MIER2: variants seen among roughly 807,000 people sequenced by gnomAD.
The protein encoded by MIER2 is MIER family member 2.
MIER2 carries 30 observed loss-of-function variants against 67.6 expected under a neutral mutation model. The observed-to-expected ratio is 0.44, with a 90% confidence interval of 0.33 to 0.60. MIER2 has a LOEUF of 0.60. Ranked by LOEUF, MIER2 falls within the 20% of genes least tolerant of loss-of-function variation. The pLI, the probability that MIER2 is intolerant of heterozygous loss-of-function variation, is 0.02. For synonymous variants in MIER2, 372 were observed against 312.6 expected (o/e 1.19, Z -2.00); for missense variants, 702 against 745.1 (o/e 0.94, Z 0.67).
At chr19:307,749 C>G (rs1343399899) in intron 12 of MIER2, among the ~76,000 whole-genome samples, 2 of 151,742 alleles carry the variant, frequency 1.3e-5, no homozygotes, top group African/African-American at 4.9e-5. Context: ...ATCAGACCAA[C>G]AGTGGGTCAC....
chr19:338,799 T>C (rs1972377117), intron 1 of MIER2, among the ~76,000 whole-genome samples: 1 of 152,138 alleles, frequency 6.6e-6, no homozygotes, highest in South Asian at 2.1e-4. Flanking sequence ...AACAGTTCCA[T>C]GAAGGAATGA....
intron 7 of MIER2, among the ~76,000 whole-genome samples, chr19:322,857 C>T (rs185521570): frequency 1.3e-4 from 20 of 152,294 alleles, no homozygotes; most frequent in South Asian, 6.2e-4. Flanking sequence ...CAACCATGAC[C>T]GCAGCCCATG....
chr19:328,942 A>C (rs1246470211), intron 3 of MIER2, among the ~76,000 whole-genome samples: 4 of 152,216 alleles, frequency 2.6e-5, no homozygotes, highest in Non-Finnish European at 5.9e-5. Context: ...TAAATAAGGC[A>C]CGTAATTCCT....
chr19:306,677 C>T lies in MIER2; in HGVS notation c.*13G>A, dbSNP rs1162130089. ...GTCCAGTCTGGGCCGCATACGCCGC[C>T]CGCGGCCAGGAGTCAGCAGGTCATC... On this transcript the variant is annotated 3_prime_UTR_variant, in exon 14 of 14. Coordinates refer to ENST00000264819, the MANE Select transcript of MIER2 (RefSeq NM_017550.3). The T allele has an allele frequency of 6.4e-7, 1 of 1,555,276 alleles. No individual in the cohort carries two copies. Among genetic ancestry groups the T allele is most frequent in the Non-Finnish European group, 8.7e-7 (1 of 1,149,250 alleles).
intron 7 of MIER2, among the ~76,000 whole-genome samples, chr19:317,338 T>A (rs1971283563): frequency 1.3e-5 from 2 of 151,794 alleles, no homozygotes; most frequent in South Asian, 4.2e-4. Context: ...CCACCCGGGC[T>A]AACACGGTGA....
intron 7 of MIER2, among the ~76,000 whole-genome samples, chr19:317,720 G>A (rs1399660826): frequency 2.3e-5 from 3 of 131,136 alleles, no homozygotes; most frequent in Admixed American, 8.3e-5. Context: ...ATGAGAGTGA[G>A]ACTCTGTCTC....
intron 1 of MIER2, among the ~76,000 whole-genome samples, chr19:337,932 G>A: frequency 6.8e-6 from 1 of 146,468 alleles, no homozygotes; most frequent in Middle Eastern, 3.4e-3. Context: ...CCAGCACTTT[G>A]GGAGGCCGAG....
chr19:327,108 G>A, intron 5 of MIER2, 25 bp downstream of exon 5: 8 of 1,564,826 alleles, frequency 5.1e-6, no homozygotes, highest in Non-Finnish European at 6.9e-6. Flanking sequence ...TGGCTGCGGT[G>A]GAGTATGGGG....
At chr19:337,412 G>C (rs185513789) in intron 1 of MIER2, among the ~76,000 whole-genome samples, 1 of 152,284 alleles carries the variant, frequency 6.6e-6, no homozygotes, top group Admixed American at 6.5e-5. Flanking sequence ...ACAGAAGGGA[G>C]CTTCCTTCTT....
In MIER2 at chr19:325,678, T is replaced by C. The variant is rs1294415947; in HGVS notation, c.612A>G (p.Gln204=). ...TCAAGTGCAGGTTGCTGAGGTCAGC[T>C]TGGAACTGAGGTCCCACCATGATCT... The part of the protein sequence containing the change: ...KKEIMVGPQF[Q]ADLSNLHLNR... Residue 204 remains glutamine, a synonymous_variant, in exon 7 of 14, where the codon CAA becomes CAG. Transcript: ENST00000264819. 7 of 1,614,072 alleles carry C rather than the reference T, an allele frequency of 4.3e-6. No homozygotes were observed. The Admixed American group carries it at 1.0e-4, about 23-fold the overall frequency.
intron 3 of MIER2, among the ~76,000 whole-genome samples, chr19:332,182 G>A (rs1485789984): frequency 6.6e-6 from 1 of 151,934 alleles, no homozygotes; most frequent in African/African-American, 2.4e-5. Flanking sequence ...ACCACGCCTG[G>A]CAATTTTCGT....
chr19:311,547 C>T (rs145118809), intron 10 of MIER2, among the ~76,000 whole-genome samples: 26 of 152,296 alleles, frequency 1.7e-4, no homozygotes, highest in African/African-American at 6.0e-4. Context: ...AGGACACAGA[C>T]TTGAAGATGA....
chr19:308,635 G>A lies in MIER2; in HGVS notation c.1140C>T (p.Asp380=). ...GGCGCGGACGGCCGGGGCCATCGGG[G>A]TCGCTGCCATCCAGGTCCTGGTCTG... ...TDADQDLDGS[D]PDGPGRPRPE... The change falls in exon 12 of 14, where the codon GAC becomes GAT. Residue 380 remains aspartate (D), a synonymous_variant. Transcript: ENST00000264819. The surrounding 1 kb of genome is among the most constrained non-coding windows in gnomAD (Gnocchi z 9.1). 6.2e-7 allele frequency: 1 copy of A among 1,606,338 alleles called. No individual in the cohort carries two copies. The highest frequency in any genetic ancestry group is 8.5e-7 in the Non-Finnish European group (1 of 1,177,634).
intron 3 of MIER2, among the ~76,000 whole-genome samples, chr19:331,753 T>G (rs1972036189): frequency 6.6e-6 from 1 of 151,764 alleles, no homozygotes. Flanking sequence ...GAGGCCGAGG[T>G]GGGCAGATCA....
chr19:343,727 C>T, intron 1 of MIER2: 2 of 597,828 alleles, frequency 3.3e-6, no homozygotes, highest in Non-Finnish European at 4.2e-6. Context: ...TGAGTCTGCC[C>T]GCCTGTCGTA....
intron 7 of MIER2, among the ~76,000 whole-genome samples, chr19:317,353 T>C (rs8100283): frequency 0.54 from 81,037 of 151,412 alleles, 22,507 homozygotes; most frequent in South Asian, 0.7. Flanking sequence ...CGGTGAAACC[T>C]CGTCTCTACT....
chr19:334,265 G>T lies in MIER2; in HGVS notation c.243+135C>A, dbSNP rs549657114. 9.4e-6 allele frequency: 12 copies of T among 1,281,974 alleles called. No individual in the cohort carries two copies. The East Asian group carries it at 1.2e-4, about 12-fold the overall frequency. 79.4% of individuals were successfully genotyped at this position (1,281,974 alleles called of 1,614,324 possible). On this transcript the variant is annotated intron_variant, in intron 3 of 13. Coordinates refer to ENST00000264819, the MANE Select transcript of MIER2 (RefSeq NM_017550.3). Reference sequence around the variant, plus strand: ...GTCTCCACTGAATTTCAGCTACTAGGACAGCATCTGGCACTTTGCAAAAAG... The same window carrying T: ...GTCTCCACTGAATTTCAGCTACTAGTACAGCATCTGGCACTTTGCAAAAAG...
intron 7 of MIER2, among the ~76,000 whole-genome samples, chr19:320,341 C>T (rs758264871): frequency 1.9e-4 from 29 of 151,716 alleles, no homozygotes; most frequent in Non-Finnish European, 3.4e-4. Context: ...GATTGCGCCA[C>T]GGCACTCCAG....
chr19:335,364 G>A (rs1472167712), intron 2 of MIER2, among the ~76,000 whole-genome samples: 3 of 152,206 alleles, frequency 2.0e-5, no homozygotes, highest in Admixed American at 2.0e-4. Context: ...AGGGCACAGA[G>A]GACCCCCAGC....
Sources: allele counts gnomAD v4.1 joint callset (sites outside exome capture counted in the v4.1 genomes callset), GRCh38; gene constraint gnomAD v4.1.1; non-coding constraint Gnocchi (gnomAD v3.1); transcripts MANE v1.5; gene names NCBI Gene and HGNC (gene_info 2026-07-23, HGNC 2026-07-21).